GPN2: variants seen among roughly 807,000 people sequenced by gnomAD.
GPN2 encodes GPN-loop GTPase 2, also known as ATP-binding domain 1 family member B.
A neutral mutation model predicts 30.1 loss-of-function variants in GPN2; 27 were observed. The ratio of observed to expected loss-of-function variants is 0.90; its 90% CI spans 0.66 to 1.24. The LOEUF (loss-of-function observed/expected upper bound fraction) is 1.24. Ranked by LOEUF, GPN2 falls within the 50% of genes most tolerant of loss-of-function variation. The probability of loss-of-function intolerance (pLI) is 0.00; values close to 1 mark genes in which losing one functional copy is unlikely to be tolerated. For synonymous variants in GPN2, 212 were observed against 174.4 expected (o/e 1.22, Z -1.70); for missense variants, 406 against 405.4 (o/e 1.00, Z -0.01).
At chr1:26,884,708 C>T (rs1557655892) in intron 3 of GPN2, among the ~76,000 whole-genome samples, 2 of 152,216 alleles carry the variant, frequency 1.3e-5, no homozygotes, top group Non-Finnish European at 2.9e-5. Context: ...GGGCCAGGCA[C>T]GGTGGTTCAC....
chr1:26,889,718 T>C lies in GPN2; in HGVS notation c.379A>G (p.Ile127Val). Reference sequence around the variant, plus strand: ...TCCCACTGCGCCATTTGGGAGAAGATGCTGCGCAAGGCGCCGTGATGCGTG... The same window carrying C: ...TCCCACTGCGCCATTTGGGAGAAGACGCTGCGCAAGGCGCCGTGATGCGTG... ...LCTHHGALRS[I>V]FSQMAQWDLR... Residue 127 changes from isoleucine (I) to valine (V), a missense_variant, in exon 1 of 5, where the codon ATC becomes GTC. Physicochemically the swap from Ile to Val is conservative, Grantham distance 29. Transcript: ENST00000374135. 1 of 1,597,680 alleles carries C rather than the reference T, an allele frequency of 6.3e-7. No homozygotes were observed. Among genetic ancestry groups the C allele is most frequent in the Non-Finnish European group, 8.5e-7 (1 of 1,170,098 alleles).
In GPN2 at chr1:26,879,441, G is replaced by A. The variant is rs562436268; in HGVS notation, c.*236C>T. The A allele has an allele frequency of 7.0e-5, 38 of 539,162 alleles. No homozygotes were observed. The highest frequency in any genetic ancestry group is 7.0e-4 in the Admixed American group (23 of 32,672). The allele number at this position is 539,162 out of a possible 1,614,324, so 33.4% of individuals were successfully genotyped here. A position where few individuals can be genotyped will look rare whatever the true frequency, so the allele number is the denominator to read the frequency against. On this transcript the variant is annotated 3_prime_UTR_variant, in exon 5 of 5. Transcript: ENST00000374135. ...CACAGCCTGACTAGGACCAGTGCTC[G>A]ACTTTCTGGTGGCAGGGCCCAGAGC...
chr1:26,882,248 G>A (rs910688557), intron 4 of GPN2, among the ~76,000 whole-genome samples: 14 of 151,240 alleles, frequency 9.3e-5, no homozygotes, highest in Non-Finnish European at 1.6e-4. Flanking sequence ...GCCAGGTGTG[G>A]TGGAGCATGC....
chr1:26,883,612 C>A (rs2081875243), intron 4 of GPN2, among the ~76,000 whole-genome samples: 1 of 151,992 alleles, frequency 6.6e-6, no homozygotes, highest in South Asian at 2.1e-4. Context: ...CATGGTGAAA[C>A]CCCGTCTCTA....
intron 3 of GPN2, among the ~76,000 whole-genome samples, chr1:26,885,041 G>C (rs764191004): frequency 5.9e-5 from 9 of 152,148 alleles, no homozygotes; most frequent in Admixed American, 2.6e-4. Flanking sequence ...ACAGTGATAA[G>C]AACAGTCCAT....
chr1:26,884,137 G>A, intron 4 of GPN2, 23 bp downstream of exon 4: 1 of 1,604,416 alleles, frequency 6.2e-7, no homozygotes, highest in Non-Finnish European at 8.5e-7. Flanking sequence ...TCTCTGCTAT[G>A]GCCAGGAAGC....
At position 26,889,898 on chromosome 1, in the gene GPN2, C is replaced by G; in HGVS notation, c.199G>C (p.Gly67Arg). ...AGGCGCAGCGCGTCCATCACGTCGC[C>G]CAGCCCCACCAGCTCGCCCACGTCC... Reference protein sequence around the residue: ...AVDVGELVGLGDVMDALRLGP... With the variant: ...AVDVGELVGLRDVMDALRLGP... Residue 67 changes from glycine (G) to arginine (R), a missense_variant, in exon 1 of 5, where the codon GGC (glycine) becomes CGC (arginine). Coordinates refer to ENST00000374135, the MANE Select transcript of GPN2 (RefSeq NM_018066.4). The G allele has an allele frequency of 6.2e-7, 1 of 1,610,778 alleles. No homozygotes were observed. Among genetic ancestry groups the G allele is most frequent in the South Asian group, 1.1e-5 (1 of 90,922 alleles).
chr1:26,877,086 G>C lies in GPN2; in HGVS notation c.*2591C>G, dbSNP rs1239064101. 1 of 152,290 alleles carries C rather than the reference G, an allele frequency of 6.6e-6. No homozygotes were observed. The highest frequency in any genetic ancestry group is 1.5e-5 in the Non-Finnish European group (1 of 68,106). 9.4% of individuals were successfully genotyped at this position (152,290 alleles called of 1,614,324 possible). On this transcript the variant is annotated 3_prime_UTR_variant, in exon 5 of 5. Transcript: ENST00000374135. ...GGATTCCTGGGCTCTAGGCCCCACAGGTGATTCACAGCTAGCCCCAGGCTG... is the reference window on the plus strand; with the variant it reads ...GGATTCCTGGGCTCTAGGCCCCACACGTGATTCACAGCTAGCCCCAGGCTG...
In GPN2 at chr1:26,876,305, T is replaced by G. The variant is rs1286818491; in HGVS notation, c.*3372A>C. ...ATCTCCGCTCACTGAAACTTCCGCC[T>G]CCCAGGTTCAAGCGATTCTCCTGCC... On this transcript the variant is annotated 3_prime_UTR_variant, in exon 5 of 5. Coordinates refer to ENST00000374135, the MANE Select transcript of GPN2 (RefSeq NM_018066.4). 1 of 150,288 alleles carries G rather than the reference T, an allele frequency of 6.7e-6. No individual in the cohort carries two copies. The highest frequency in any genetic ancestry group is 2.4e-5 in the African/African-American group (1 of 40,882). 9.3% of individuals were successfully genotyped at this position (150,288 alleles called of 1,614,324 possible). A position where few individuals can be genotyped will look rare whatever the true frequency, so the allele number is the denominator to read the frequency against.
At chr1:26,886,854 G>A (rs977482230) in intron 2 of GPN2, among the ~76,000 whole-genome samples, 8 of 151,880 alleles carry the variant, frequency 5.3e-5, no homozygotes, top group Admixed American at 2.6e-4. Context: ...TTAGCCGGAC[G>A]TGGTGGCACA....
intron 3 of GPN2, among the ~76,000 whole-genome samples, chr1:26,884,641 C>T (rs2081881985): frequency 6.6e-6 from 1 of 152,202 alleles, no homozygotes; most frequent in African/African-American, 2.4e-5. Context: ...CAGTGCCTGG[C>T]ACAGTACTTC....
At position 26,890,197 on chromosome 1, in the gene GPN2, C is replaced by G; in HGVS notation, c.-101G>C. 1 of 1,046,320 alleles carries G rather than the reference C, an allele frequency of 9.6e-7. No homozygotes were observed. The highest frequency in any genetic ancestry group is 2.9e-5 in the Admixed American group (1 of 33,906). The allele number at this position is 1,046,320 out of a possible 1,614,324, so 64.8% of individuals were successfully genotyped here. ...GGCGAGGGTCCCAGTACGTATACCTCGTTGGCGGCCAGCGTCACTCGCCTC... is the reference window on the plus strand; with the variant it reads ...GGCGAGGGTCCCAGTACGTATACCTGGTTGGCGGCCAGCGTCACTCGCCTC... On this transcript the variant is annotated 5_prime_UTR_variant, in exon 1 of 5. Coordinates refer to ENST00000374135, the MANE Select transcript of GPN2 (RefSeq NM_018066.4).
chr1:26,889,841 C>T lies in GPN2; in HGVS notation c.256G>A (p.Glu86Lys). Residue 86 changes from glutamate (E) to lysine (K), a missense_variant, in exon 1 of 5, where the codon GAG becomes AAG. Transcript: ENST00000374135. ...CAGTCCAGGTTGGCTTCCAGGTACT[C>T]CATGCAGTAGAGCAGGCCGCCGTTG... is the stretch of plus-strand genomic sequence containing the variant. Reference protein sequence around the residue: ...GPNGGLLYCMEYLEANLDWLR... With the variant: ...GPNGGLLYCMKYLEANLDWLR... 1 of 1,613,696 alleles carries T rather than the reference C, an allele frequency of 6.2e-7. No individual in the cohort carries two copies. Among genetic ancestry groups the T allele is most frequent in the Non-Finnish European group, 8.5e-7 (1 of 1,180,004 alleles).
rs370803622 is a variant in GPN2, at chr1:26,879,652, C to T, written c.*25G>A. ...TTTCCCCAGTGCTGGATTATGCATC[C>T]TGCTCTCCAGGGTCCACCTTGTTGC... On this transcript the variant is annotated 3_prime_UTR_variant, in exon 5 of 5. Transcript: ENST00000374135. 346 of 1,573,698 alleles carry T rather than the reference C, an allele frequency of 2.2e-4. No individual in the cohort carries two copies. Among genetic ancestry groups the T allele is most frequent in the Admixed American group, 9.7e-4 (58 of 59,826 alleles).
Position 26,877,077 on chromosome 1 carries a change from G to C in GPN2, c.*2600C>G, listed in dbSNP as rs1390409111. ...TGGGCGTCAGGATTCCTGGGCTCTAGGCCCCACAGGTGATTCACAGCTAGC... is the reference window on the plus strand; with the variant it reads ...TGGGCGTCAGGATTCCTGGGCTCTACGCCCCACAGGTGATTCACAGCTAGC... On this transcript the variant is annotated 3_prime_UTR_variant, in exon 5 of 5. Transcript: ENST00000374135. 7 of 152,224 alleles carry C rather than the reference G, an allele frequency of 4.6e-5. No homozygotes were observed. The highest frequency in any genetic ancestry group is 2.1e-4 in the South Asian group (1 of 4,824). 9.4% of individuals were successfully genotyped at this position (152,224 alleles called of 1,614,324 possible). A position where few individuals can be genotyped will look rare whatever the true frequency, so the allele number is the denominator to read the frequency against.
intron 4 of GPN2, among the ~76,000 whole-genome samples, chr1:26,882,217 C>CAAAAAA (rs1159136555): frequency 1.8e-5 from 1 of 54,596 alleles, no homozygotes. Context: ...CGGTCCGTCT[C>CAAAAAA]AAAAAAAAAA....
intron 1 of GPN2, among the ~76,000 whole-genome samples, chr1:26,889,434 T>G (rs1472188613): frequency 6.6e-6 from 1 of 152,182 alleles, no homozygotes; most frequent in East Asian, 1.9e-4. Context: ...CATTAACCCC[T>G]TCCATACTTC....
rs762781525 is a variant in GPN2, at chr1:26,885,987, G to A, written c.715C>T (p.Pro239Ser). 173 of 1,612,202 alleles carry A rather than the reference G, an allele frequency of 1.1e-4. No individual in the cohort carries two copies. The highest frequency in any genetic ancestry group is 1.5e-4 in the Non-Finnish European group (172 of 1,178,518). The change falls in exon 3 of 5, where the codon CCT becomes TCT. Residue 239 changes from proline to serine, a missense_variant. Pro to Ser is a moderately conservative substitution (Grantham distance 74). Transcript: ENST00000374135. ...GCCCCTAGTACCTGGATGTTGAGAG[G>A]GATAAAGGAGACAAGGCTATAGTCT... ...IEDYSLVSFIPLNIQDKESIQ... is the reference protein window; with the variant it reads ...IEDYSLVSFISLNIQDKESIQ...
At position 26,876,297 on chromosome 1, in the gene GPN2, C is replaced by T. The variant is rs1049267437; in HGVS notation, c.*3380G>A. 3 of 149,264 alleles carry T rather than the reference C, an allele frequency of 2.0e-5. No individual in the cohort carries two copies. The highest frequency in any genetic ancestry group is 1.3e-4 in the Admixed American group (2 of 14,896). 9.2% of individuals were successfully genotyped at this position (149,264 alleles called of 1,614,324 possible). On this transcript the variant is annotated 3_prime_UTR_variant, in exon 5 of 5. Coordinates refer to ENST00000374135, the MANE Select transcript of GPN2 (RefSeq NM_018066.4). ...ATGGCGCGATCTCCGCTCACTGAAACTTCCGCCTCCCAGGTTCAAGCGATT... is the reference window on the plus strand; with the variant it reads ...ATGGCGCGATCTCCGCTCACTGAAATTTCCGCCTCCCAGGTTCAAGCGATT...
Sources: gnomAD v4.1 joint callset for allele counts (sites outside exome capture counted in the v4.1 genomes callset) on GRCh38, gnomAD v4.1.1 for gene constraint, MANE v1.5 for transcripts, NCBI Gene and HGNC (gene_info 2026-07-23, HGNC 2026-07-21) for gene names.